The following CCDC18 variants were observed in gnomAD, a reference collection of about 807,000 sequenced individuals.
CCDC18 encodes the protein coiled-coil domain containing 18.
In CCDC18, 157 loss-of-function variants were observed where a neutral mutation model predicts 196.0. The ratio of observed to expected loss-of-function variants is 0.80; its 90% CI spans 0.70 to 0.91. The LOEUF is 0.91. Ranked by LOEUF, CCDC18 falls within the 40% of genes least tolerant of loss-of-function variation. The pLI is 0.00. For missense variants in CCDC18, 1,465 were observed against 1,611.6 expected, an observed-to-expected ratio of 0.91 and a Z score of 1.56; for synonymous variants, 482 against 529.2, an observed-to-expected ratio of 0.91 and a Z score of 1.22.
intron 4 of CCDC18, among the ~76,000 whole-genome samples, chr1:93,187,199 C>G (rs1238937403): frequency 6.6e-6 from 1 of 151,892 alleles, no homozygotes; most frequent in Non-Finnish European, 1.5e-5. Flanking sequence ...TGCAACAAAA[C>G]CTTTTTTTAA....
intron 8 of CCDC18, 106 bp from the exon 9 acceptor site, chr1:93,207,001 A>G: frequency 1.6e-6 from 1 of 620,408 alleles, no homozygotes; most frequent in Non-Finnish European, 2.7e-6. Context: ...AGCAGGTATT[A>G]TTTTAGAATT....
intron 3 of CCDC18, among the ~76,000 whole-genome samples, chr1:93,184,594 C>T (rs1650302711): frequency 8.8e-6 from 1 of 114,012 alleles, no homozygotes; most frequent in Admixed American, 9.1e-5. Context: ...GAGATCTTTG[C>T]TTGGTCTGAA....
chr1:93,258,784 G>T lies in CCDC18; in HGVS notation c.3583G>T (p.Ala1195Ser). 2 of 1,580,264 alleles carry T rather than the reference G, an allele frequency of 1.3e-6. No homozygotes were observed. Among genetic ancestry groups the T allele is most frequent in the Non-Finnish European group, 1.7e-6 (2 of 1,164,364 alleles). Residue 1195 changes from alanine to serine, a missense_variant, in exon 26 of 29, where the codon GCT (alanine) becomes TCT (serine). Coordinates refer to ENST00000690025, the MANE Select transcript of CCDC18 (RefSeq NM_001378204.1). ...AAACCATTTAGCTGAAGAACTGGGG[G>T]CTTCTAAAGTACGTGAAGCTCATTT... ...HGNHLAEELGASKVREAHLEA... is the reference protein window; with the variant it reads ...HGNHLAEELGSSKVREAHLEA...
intron 3 of CCDC18, among the ~76,000 whole-genome samples, chr1:93,185,855 A>G (rs540772870): frequency 1.3e-5 from 2 of 151,958 alleles, no homozygotes; most frequent in South Asian, 4.1e-4. Flanking sequence ...ATCCTCATGA[A>G]AATTAAATGT....
At chr1:93,262,879 C>G (rs1194193155) in intron 26 of CCDC18, among the ~76,000 whole-genome samples, 1 of 152,088 alleles carries the variant, frequency 6.6e-6, no homozygotes, top group South Asian at 2.1e-4. Flanking sequence ...GCTTGGACTT[C>G]CAGGCATTTC....
chr1:93,221,925 G>C lies in CCDC18; in HGVS notation c.2164G>C (p.Glu722Gln). Residue 722 changes from glutamate to glutamine, a missense_variant, in exon 16 of 29, where the codon GAA (glutamate) becomes CAA (glutamine). Physicochemically the swap from Glu to Gln is conservative, Grantham distance 29. Transcript: ENST00000690025. Reference protein sequence around the residue: ...LKALQNQVSEETIKVRQLDSA... With the variant: ...LKALQNQVSEQTIKVRQLDSA... ...AGCATTACAGAACCAAGTATCTGAAGAAACAATCAAGGCTAGTATGCTAAT... is the reference window on the plus strand; with the variant it reads ...AGCATTACAGAACCAAGTATCTGAACAAACAATCAAGGCTAGTATGCTAAT... 1.9e-6 allele frequency: 3 copies of C among 1,579,424 alleles called. No homozygotes were observed. The highest frequency in any genetic ancestry group is 2.6e-6 in the Non-Finnish European group (3 of 1,159,898).
At chr1:93,264,213 T>A (rs528248385) in intron 26 of CCDC18, among the ~76,000 whole-genome samples, 2 of 152,162 alleles carry the variant, frequency 1.3e-5, no homozygotes, top group African/African-American at 4.8e-5. Context: ...CATGACCCAA[T>A]CACCTCCCAC....
chr1:93,239,662 A>C, intron 20 of CCDC18, 21 bp from the exon 21 acceptor site: 1 of 1,517,092 alleles, frequency 6.6e-7, no homozygotes, highest in Non-Finnish European at 9.1e-7. Context: ...TAGTTATAAA[A>C]TTATTCTCTC....
At chr1:93,180,297 C>T, upstream of CCDC18, 1 of 1,534,518 alleles carries the variant, frequency 6.5e-7, no homozygotes, top group Non-Finnish European at 8.7e-7. Flanking sequence ...TGTCTCCGCT[C>T]CGCGTTTCCT....
At chr1:93,266,247 A>G (rs1220040463) in intron 27 of CCDC18, among the ~76,000 whole-genome samples, 1 of 152,248 alleles carries the variant, frequency 6.6e-6, no homozygotes, top group African/African-American at 2.4e-5. Flanking sequence ...GAAACCAATG[A>G]GAACAAAGAC....
chr1:93,205,565 A>G lies in CCDC18; in HGVS notation c.851A>G (p.Asn284Ser). 1 of 1,594,554 alleles carries G rather than the reference A, an allele frequency of 6.3e-7. No homozygotes were observed. The highest frequency in any genetic ancestry group is 8.6e-7 in the Non-Finnish European group (1 of 1,166,696). The change falls in exon 8 of 29, where the codon AAT becomes AGT. Residue 284 changes from asparagine (N) to serine (S), a missense_variant. Coordinates refer to ENST00000690025, the MANE Select transcript of CCDC18 (RefSeq NM_001378204.1). The part of the protein sequence containing the change: ...ERNLTNCEKE[N>S]KRLQERCGLY... Reference sequence around the variant, plus strand: ...AATCTAACTAACTGTGAAAAAGAAAATAAAAGGCTACAAGAAAGGTGTGGT... The same window carrying G: ...AATCTAACTAACTGTGAAAAAGAAAGTAAAAGGCTACAAGAAAGGTGTGGT...
chr1:93,227,173 C>G (rs1658482740), intron 17 of CCDC18, among the ~76,000 whole-genome samples: 1 of 128,526 alleles, frequency 7.8e-6, no homozygotes, highest in African/African-American at 3.1e-5. Context: ...GCATTGGAAA[C>G]CTTTTTTTTT....
Position 93,270,573 on chromosome 1 carries a change from C to T in CCDC18, c.4112C>T (p.Ser1371Phe). The T allele has an allele frequency of 3.9e-6, 6 of 1,550,364 alleles. No homozygotes were observed. The highest frequency in any genetic ancestry group is 4.4e-6 in the Non-Finnish European group (5 of 1,146,898). ...AAAATTCATGGTGATGAAGATCTTT[C>T]TGAAGAATTACTACAGGACTTAAAG... ...TFKIHGDEDLSEELLQDLKKM... is the reference protein window; with the variant it reads ...TFKIHGDEDLFEELLQDLKKM... Residue 1371 changes from serine to phenylalanine, a missense_variant, in exon 28 of 29, where the codon TCT (serine) becomes TTT (phenylalanine). Transcript: ENST00000690025.
rs770392506 is a variant in CCDC18, at chr1:93,254,016, C to T, written c.3199-455C>T. ...TTAAATTAACAGTGTTTATTTACCT[C>T]TAAGTATTGTTGAGAGACTGGGGTG... On this transcript the variant is annotated intron_variant, in intron 23 of 28. Transcript: ENST00000690025. Among the ~76,000 whole-genome samples, 4 of 152,148 alleles carry T rather than the reference C, an allele frequency of 2.6e-5. No individual in the cohort carries two copies. The South Asian group carries it at 8.3e-4, about 32-fold the overall frequency.
Position 93,234,990 on chromosome 1 carries a change from CTTTTTTT to C in CCDC18, c.2461-1250_2461-1244del, listed in dbSNP as rs1222470671. ...GTGTGTGTGGCTTTTCTTTTTTTTTCTTTTTTTTTTTTTTGGTAGAGACAGAGTTTCA... is the reference window on the plus strand; with the variant it reads ...GTGTGTGTGGCTTTTCTTTTTTTTTCTTTTTTTGGTAGAGACAGAGTTTCA... On this transcript the variant is annotated intron_variant, in intron 18 of 28. Transcript: ENST00000690025. 3.7e-4 allele frequency among the ~76,000 whole-genome samples: 26 copies of C among 70,804 alleles called. 1 individual carries two copies. Among genetic ancestry groups the C allele is most frequent in the African/African-American group, 1.4e-3 (25 of 18,346 alleles). The allele number at this position is 70,804 out of a possible 152,430, so 46.5% of individuals were successfully genotyped here. A position where few individuals can be genotyped will look rare whatever the true frequency, so the allele number is the denominator to read the frequency against.
intron 11 of CCDC18, among the ~76,000 whole-genome samples, chr1:93,213,437 A>G (rs1235688232): frequency 6.6e-6 from 1 of 151,668 alleles, no homozygotes; most frequent in East Asian, 1.9e-4. Context: ...AAAAACCACA[A>G]AACTTTTCTT....
rs781371530 is a variant in CCDC18 at position 93,183,375 on chromosome 1, C to CAA, written c.15_16insAA (p.Ser6AsnfsTer21). The CAA allele has an allele frequency of 6.4e-7, 1 of 1,565,618 alleles. No homozygotes were observed. On this transcript the variant is annotated frameshift_variant, in exon 2 of 29. Transcript: ENST00000690025. LOFTEE classifies it high-confidence loss of function. ...TTTTTTTAAGAAATGGAATCTAGTT[C>CAA]ATCAGACTACTATAATAAAGACAAT...
At position 93,246,936 on chromosome 1, in the gene CCDC18, T is replaced by A; in HGVS notation, c.3180T>A (p.Leu1060=). 7.8e-7 allele frequency: 1 copy of A among 1,280,546 alleles called. No homozygotes were observed. The highest frequency in any genetic ancestry group is 1.1e-6 in the Non-Finnish European group (1 of 904,338). The allele number at this position is 1,280,546 out of a possible 1,614,324, so 79.3% of individuals were successfully genotyped here. A position where few individuals can be genotyped will look rare whatever the true frequency, so the allele number is the denominator to read the frequency against. Residue 1060 remains leucine (L), a synonymous_variant, in exon 23 of 29, where the codon CTT becomes CTA. Coordinates refer to ENST00000690025, the MANE Select transcript of CCDC18 (RefSeq NM_001378204.1). The part of the protein sequence containing the change: ...EGTLEKSELE[L]KECNKQIESL... ...CTCTGGAGAAATCAGAATTGGAACT[T>A]AAAGAATGTAACAAACAGGTAAATT...
chr1:93,215,547 T>G (rs1316842475), intron 12 of CCDC18, among the ~76,000 whole-genome samples: 1 of 151,906 alleles, frequency 6.6e-6, no homozygotes, highest in Non-Finnish European at 1.5e-5. Flanking sequence ...GCTTTGAACT[T>G]CTAGGCTCAA....
Sources: gnomAD v4.1 joint callset for allele counts (sites outside exome capture counted in the v4.1 genomes callset) on GRCh38, gnomAD v4.1.1 for gene constraint, MANE v1.5 for transcripts, NCBI Gene and HGNC (gene_info 2026-07-23, HGNC 2026-07-21) for gene names.